The following DHRSX variants were observed in gnomAD, a reference collection of about 807,000 sequenced individuals.
DHRSX encodes the protein polyprenol dehydrogenase.
Under a neutral mutation model 34.0 loss-of-function variants are expected in DHRSX, and 31 were observed. The observed-to-expected ratio is 0.91, with a 90% CI of 0.69 to 1.23. The LOEUF is 1.23. Among genes scored for constraint, DHRSX ranks in the 50% most tolerant of loss-of-function variants. The probability of loss-of-function intolerance (pLI) is 0.00; values close to 1 mark genes in which losing one functional copy is unlikely to be tolerated. For missense variants in DHRSX, 414 were observed against 428.1 expected, an observed-to-expected ratio of 0.97 and a Z score of 0.29; for synonymous variants, 201 against 183.8, an observed-to-expected ratio of 1.09 and a Z score of -0.76.
At position 2,461,688 on chromosome X, in the gene DHRSX, C is replaced by T. The variant is rs185916956; in HGVS notation, c.110-36384G>A. ...ACCCAGGTAGCTGTGACCACACACG[C>T]GTGGCACCATGTTTGGCTAATTTTT... On this transcript the variant is annotated intron_variant, in intron 1 of 6. Coordinates refer to ENST00000334651, the MANE Select transcript of DHRSX (RefSeq NM_145177.3). 2.7e-3 allele frequency among the ~76,000 whole-genome samples: 410 copies of T among 152,212 alleles called. 1 individual carries two copies. The highest frequency in any genetic ancestry group is 9.4e-3 in the African/African-American group (390 of 41,520).
chrX:2,266,513 C>T (rs777295897), intron 5 of DHRSX, among the ~76,000 whole-genome samples: 24 of 150,860 alleles, frequency 1.6e-4, no homozygotes, highest in Admixed American at 9.9e-4. Flanking sequence ...CCCCAGAGCA[C>T]CAGTGCTCGG....
chrX:2,306,645 G>A (rs1295099293), intron 3 of DHRSX, among the ~76,000 whole-genome samples: 1 of 152,008 alleles, frequency 6.6e-6, no homozygotes, highest in Non-Finnish European at 1.5e-5. Flanking sequence ...TAGAGACAAG[G>A]TTTCGATGAT....
At chrX:2,453,120 A>G (rs2044248009) in intron 1 of DHRSX, among the ~76,000 whole-genome samples, 1 of 152,224 alleles carries the variant, frequency 6.6e-6, no homozygotes, top group Non-Finnish European at 1.5e-5. Context: ...AAACAGGCAC[A>G]GAGAGACAAA....
chrX:2,331,550 C>T (rs977745252), intron 3 of DHRSX, among the ~76,000 whole-genome samples: 7 of 144,022 alleles, frequency 4.9e-5, no homozygotes, highest in African/African-American at 1.3e-4. Context: ...CAGGTTCAAG[C>T]GATTCTCCTG....
chrX:2,283,043 A>T (rs1370630748), intron 4 of DHRSX, among the ~76,000 whole-genome samples: 2 of 151,690 alleles, frequency 1.3e-5, no homozygotes, highest in Non-Finnish European at 2.9e-5. Flanking sequence ...GAAGGAGGAG[A>T]GAGAGACAGA....
intron 1 of DHRSX, chrX:2,489,552 C>T: frequency 1.2e-6 from 2 of 1,612,750 alleles, no homozygotes; most frequent in African/African-American, 1.3e-5. Flanking sequence ...GTGGCCCACT[C>T]GCTGGCCTCC....
chrX:2,442,386 G>C (rs2044074083), intron 1 of DHRSX, among the ~76,000 whole-genome samples: 1 of 150,274 alleles, frequency 6.7e-6, no homozygotes, highest in African/African-American at 2.5e-5. Flanking sequence ...GTTGTTCAAA[G>C]GTCAACTGTA....
chrX:2,428,655 C>G lies in DHRSX; in HGVS notation c.110-3351G>C, dbSNP rs187746794. On this transcript the variant is annotated intron_variant, in intron 1 of 6. Transcript: ENST00000334651. ...GACTAGGGGAGGGAGAGCATTAGGACAAACACCTAATGTAGATGATGGGTT... is the reference window on the plus strand; with the variant it reads ...GACTAGGGGAGGGAGAGCATTAGGAGAAACACCTAATGTAGATGATGGGTT... 4.7e-3 allele frequency among the ~76,000 whole-genome samples: 716 copies of G among 152,176 alleles called. 7 individuals carry two copies. The highest frequency in any genetic ancestry group is 0.016 in the African/African-American group (677 of 41,530).
At chrX:2,282,386 G>A (rs969253656) in intron 4 of DHRSX, among the ~76,000 whole-genome samples, 1 of 146,804 alleles carries the variant, frequency 6.8e-6, no homozygotes. Flanking sequence ...GAGAGACAGA[G>A]AAAGAGACAG....
At chrX:2,471,733 T>C (rs1186756972) in intron 1 of DHRSX, among the ~76,000 whole-genome samples, 1 of 152,108 alleles carries the variant, frequency 6.6e-6, no homozygotes, top group African/African-American at 2.4e-5. Context: ...ACCCCTCCAG[T>C]AGGAAGCATT....
chrX:2,437,272 T>G (rs1229287320), intron 1 of DHRSX, among the ~76,000 whole-genome samples: 3 of 152,104 alleles, frequency 2.0e-5, no homozygotes, highest in African/African-American at 7.2e-5. Context: ...GTGCTGGGAT[T>G]ACAGGTGTGA....
At position 2,285,959 on chromosome X, in the gene DHRSX, C is replaced by T. The variant is rs73628278; in HGVS notation, c.388+5543G>A. On this transcript the variant is annotated intron_variant, in intron 4 of 6. Coordinates refer to ENST00000334651, the MANE Select transcript of DHRSX (RefSeq NM_145177.3). ...ATCCAGCCTTCTCATTTGCACACAA[C>T]GAAGATGAATTCTGATGCATAAACC... 5.6e-3 allele frequency among the ~76,000 whole-genome samples: 856 copies of T among 152,190 alleles called. 10 individuals carry two copies. The highest frequency in any genetic ancestry group is 0.02 in the African/African-American group (830 of 41,540).
At chrX:2,485,932 AAAGG>A (rs1012819540) in intron 1 of DHRSX, among the ~76,000 whole-genome samples, 3 of 119,488 alleles carry the variant, frequency 2.5e-5, no homozygotes, top group African/African-American at 4.0e-5. Flanking sequence ...AAGAAGGAAG[AAAGG>A]AAGGATTTGT....
In DHRSX at chrX:2,415,343, A is replaced by T; in HGVS notation, c.218-6530T>A. ...AACCTAACTGGATCTCAACATGACC[A>T]ACCAACTAGATCTCATCATAACCTA... On this transcript the variant is annotated intron_variant, in intron 2 of 6. Transcript: ENST00000334651. Among the ~76,000 whole-genome samples the T allele has an allele frequency of 1.3e-5, 2 of 152,054 alleles. 1 individual carries two copies.
intron 3 of DHRSX, among the ~76,000 whole-genome samples, chrX:2,392,985 AATAT>A (rs2043353823): frequency 6.9e-6 from 1 of 144,830 alleles, no homozygotes; most frequent in African/African-American, 2.5e-5. Flanking sequence ...TATGTTACAA[AATAT>A]ATATACATTA....
At chrX:2,499,111 G>C (rs138755603) in intron 1 of DHRSX, among the ~76,000 whole-genome samples, 5,021 of 152,138 alleles carry the variant, frequency 0.033, 119 homozygotes, top group Middle Eastern at 0.11. Context: ...AAAGGGTGGC[G>C]CTGGGACCCC....
chrX:2,416,041 T>C (rs1208827980), intron 2 of DHRSX, among the ~76,000 whole-genome samples: 1 of 151,654 alleles, frequency 6.6e-6, no homozygotes, highest in Admixed American at 6.6e-5. Context: ...TTAGTTCTCC[T>C]CATGACCAAC....
intron 3 of DHRSX, among the ~76,000 whole-genome samples, chrX:2,388,238 G>A (rs2043294766): frequency 6.6e-6 from 1 of 152,120 alleles, no homozygotes; most frequent in Non-Finnish European, 1.5e-5. Context: ...GTAGCCCCTT[G>A]GAAAGAAACA....
At chrX:2,363,089 G>A (rs867871927) in intron 3 of DHRSX, among the ~76,000 whole-genome samples, 3 of 121,104 alleles carry the variant, frequency 2.5e-5, no homozygotes, top group Admixed American at 1.7e-4. Flanking sequence ...TTTTATCACC[G>A]TTCTATGGTA....
Sources: gnomAD v4.1 joint callset for allele counts (sites outside exome capture counted in the v4.1 genomes callset) on GRCh38, gnomAD v4.1.1 for gene constraint, MANE v1.5 for transcripts, NCBI Gene and HGNC (gene_info 2026-07-23, HGNC 2026-07-21) for gene names.